The following ANKS1A variants were observed in gnomAD, a reference collection of about 807,000 sequenced individuals.
ANKS1A encodes the protein ankyrin repeat and sterile alpha motif domain containing 1A, also known as ankyrin repeat and SAM domain-containing protein 1A.
A neutral mutation model predicts 120.3 loss-of-function variants in ANKS1A; 55 were observed. The ratio of observed to expected loss-of-function variants is 0.46; its 90% CI spans 0.37 to 0.57. The LOEUF (loss-of-function observed/expected upper bound fraction) is 0.57. ANKS1A is among the 20% of genes least tolerant of loss of function. ANKS1A has a pLI of 0.00. For missense variants in ANKS1A, 1,123 were observed against 1,480.3 expected, an observed-to-expected ratio of 0.76 and a Z score of 3.96; for synonymous variants, 590 against 604.7, an observed-to-expected ratio of 0.98 and a Z score of 0.36.
intron 3 of ANKS1A, among the ~76,000 whole-genome samples, chr6:34,979,085 C>G (rs551461649): frequency 6.6e-6 from 1 of 151,872 alleles, no homozygotes; most frequent in South Asian, 2.1e-4. Context: ...TTAGTGGAGA[C>G]GGGGTTTCAC....
chr6:34,927,222 T>G (rs1478793226), intron 1 of ANKS1A, among the ~76,000 whole-genome samples: 1 of 151,820 alleles, frequency 6.6e-6, no homozygotes, highest in African/African-American at 2.4e-5. Context: ...CAGGAGAGGC[T>G]TTCTTGGTGG....
At chr6:35,097,971 T>A in the ANKS1A span, among the ~76,000 whole-genome samples, 1 of 152,242 alleles carries the variant, frequency 6.6e-6, no homozygotes, top group Non-Finnish European at 1.5e-5. Context: ...TCCCATTTTG[T>A]CAGAAGCGTA....
chr6:35,054,948 C>A (rs1776133397), intron 12 of ANKS1A, among the ~76,000 whole-genome samples: 1 of 152,220 alleles, frequency 6.6e-6, no homozygotes, highest in African/African-American at 2.4e-5. Context: ...GGAGCCTGGC[C>A]TGTCTTCACC....
chr6:34,912,162 T>C (rs960032373), intron 1 of ANKS1A, among the ~76,000 whole-genome samples: 2 of 152,248 alleles, frequency 1.3e-5, no homozygotes, highest in Non-Finnish European at 2.9e-5. Flanking sequence ...ATTGTTGTAC[T>C]GCATGATTAT....
chr6:34,926,790 C>T (rs976005581), intron 1 of ANKS1A, among the ~76,000 whole-genome samples: 1 of 152,138 alleles, frequency 6.6e-6, no homozygotes, highest in African/African-American at 2.4e-5. Context: ...CTTGAGCTTG[C>T]TTCCTGTCAT....
At chr6:34,941,498 G>A (rs943892460) in intron 1 of ANKS1A, among the ~76,000 whole-genome samples, 1 of 151,788 alleles carries the variant, frequency 6.6e-6, no homozygotes, top group African/African-American at 2.4e-5. Context: ...GAACTCCTAG[G>A]CTCAAGCAAT....
At chr6:35,006,429 G>A (rs1310598847) in intron 10 of ANKS1A, among the ~76,000 whole-genome samples, 10 of 152,062 alleles carry the variant, frequency 6.6e-5, no homozygotes, top group South Asian at 2.1e-4. Flanking sequence ...CCCACTCTCC[G>A]TGATGTAATT....
At chr6:35,065,142 C>T (rs1776704708) in intron 13 of ANKS1A, among the ~76,000 whole-genome samples, 1 of 152,128 alleles carries the variant, frequency 6.6e-6, no homozygotes, top group Non-Finnish European at 1.5e-5. Context: ...CCAAGGGCAG[C>T]CCTTTTAGCA....
chr6:35,089,950 G>A lies in ANKS1A; in HGVS notation c.*1341G>A, dbSNP rs1372517326. The A allele has an allele frequency of 8.6e-7, 1 of 1,165,666 alleles. No homozygotes were observed. Among genetic ancestry groups the A allele is most frequent in the Non-Finnish European group, 1.1e-6 (1 of 929,156 alleles). 72.2% of individuals were successfully genotyped at this position (1,165,666 alleles called of 1,614,324 possible). The stretch of plus-strand genomic sequence containing the variant: ...CAGCAACACTCCTCTTTCCCAGCCA[G>A]CAAAGGCTGTGAATTTGAATTCTTT... On this transcript the variant is annotated 3_prime_UTR_variant, in exon 24 of 24. Coordinates refer to ENST00000360359, the MANE Select transcript of ANKS1A (RefSeq NM_015245.3).
chr6:34,935,684 T>G (rs1391803933), intron 1 of ANKS1A, among the ~76,000 whole-genome samples: 1 of 152,176 alleles, frequency 6.6e-6, no homozygotes, highest in Non-Finnish European at 1.5e-5. Context: ...TATTAAAAGC[T>G]TCATTGGTAC....
At chr6:34,988,806 T>C (rs1432115804) in intron 8 of ANKS1A, among the ~76,000 whole-genome samples, 1 of 152,212 alleles carries the variant, frequency 6.6e-6, no homozygotes, top group Non-Finnish European at 1.5e-5. Flanking sequence ...TTTGATTTGT[T>C]AGAACAAATT....
intron 13 of ANKS1A, among the ~76,000 whole-genome samples, chr6:35,072,479 T>A (rs1777131862): frequency 6.6e-6 from 1 of 152,232 alleles, no homozygotes; most frequent in Non-Finnish European, 1.5e-5. Flanking sequence ...CCAGCCACGA[T>A]CATGGGCGAC....
At chr6:34,929,732 CCTTCT>C (rs1768883944) in intron 1 of ANKS1A, among the ~76,000 whole-genome samples, 1 of 151,762 alleles carries the variant, frequency 6.6e-6, no homozygotes, top group Non-Finnish European at 1.5e-5. Context: ...TCCTTTCTTT[CCTTCT>C]CTTTCTTTCT....
chr6:34,965,834 A>T (rs145086418), intron 1 of ANKS1A, among the ~76,000 whole-genome samples: 1 of 149,372 alleles, frequency 6.7e-6, no homozygotes, highest in African/African-American at 2.5e-5. Context: ...GCAATCTCTG[A>T]CTCCTGGATT....
intron 1 of ANKS1A, among the ~76,000 whole-genome samples, chr6:34,942,123 T>G (rs1288797831): frequency 6.6e-6 from 1 of 152,234 alleles, no homozygotes; most frequent in Non-Finnish European, 1.5e-5. Flanking sequence ...TCATTTGCTT[T>G]CATAGTTTTT....
intron 11 of ANKS1A, among the ~76,000 whole-genome samples, chr6:35,038,856 T>C (rs1285771337): frequency 6.6e-6 from 1 of 152,234 alleles, no homozygotes; most frequent in Non-Finnish European, 1.5e-5. Context: ...ATGTTGATTG[T>C]TAAATGTTTG....
intron 10 of ANKS1A, among the ~76,000 whole-genome samples, chr6:35,000,993 C>T (rs541590435): frequency 6.6e-6 from 1 of 152,182 alleles, no homozygotes; most frequent in South Asian, 2.1e-4. Context: ...TCTTAAAGCA[C>T]CAACCTGCTC....
intron 12 of ANKS1A, 49 bp downstream of exon 12, chr6:35,054,214 C>G (rs753337872): frequency 1.3e-6 from 2 of 1,570,680 alleles, no homozygotes; most frequent in Non-Finnish European, 1.8e-6. Context: ...CAGTCTGGCT[C>G]TTTTCTGGCT....
At chr6:35,065,214 C>G (rs1274374666) in intron 13 of ANKS1A, among the ~76,000 whole-genome samples, 2 of 134,028 alleles carry the variant, frequency 1.5e-5, no homozygotes, top group Non-Finnish European at 3.3e-5. Flanking sequence ...CTTGCCCCCC[C>G]TCCCTTTCAC....
Sources: gnomAD v4.1 joint callset for allele counts (sites outside exome capture counted in the v4.1 genomes callset) on GRCh38, gnomAD v4.1.1 for gene constraint, MANE v1.5 for transcripts, NCBI Gene and HGNC (gene_info 2026-07-23, HGNC 2026-07-21) for gene names.